HSDL2: variants seen among roughly 807,000 people sequenced by gnomAD.
HSDL2 encodes hydroxysteroid dehydrogenase like 2.
Under a neutral mutation model 46.3 loss-of-function variants are expected in HSDL2, and 27 were observed. The ratio of observed to expected loss-of-function variants is 0.58; its 90% confidence interval spans 0.43 to 0.80. The LOEUF is 0.80. HSDL2 is among the 30% of genes least tolerant of loss of function. HSDL2 has a pLI of 0.00. For missense variants in HSDL2, 451 were observed against 502.7 expected, an observed-to-expected ratio of 0.90 and a Z score of 0.98; for synonymous variants, 153 against 163.6, an observed-to-expected ratio of 0.94 and a Z score of 0.50.
intron 10 of HSDL2, among the ~76,000 whole-genome samples, chr9:112,467,644 C>G (rs1441743450): frequency 6.6e-6 from 1 of 152,156 alleles, no homozygotes; most frequent in African/African-American, 2.4e-5. Context: ...CTGAGACCAT[C>G]ACACTGAGGG....
At position 112,422,708 on chromosome 9, in the gene HSDL2, A is replaced by G. The variant is rs538010406; in HGVS notation, c.598+3750A>G. Among the ~76,000 whole-genome samples the G allele has an allele frequency of 2.6e-5, 4 of 152,268 alleles. No homozygotes were observed. In the South Asian group the frequency reaches 8.3e-4, roughly 32 times the overall value. On this transcript the variant is annotated intron_variant, in intron 6 of 10. Coordinates refer to ENST00000398805, the MANE Select transcript of HSDL2 (RefSeq NM_032303.5). ...ACAATAATTGAATGAATAATAGGAA[A>G]CAGTTCCCTTGAGCTGAAGAAAGAC...
At chr9:112,414,245 A>G (rs1276286806) in intron 4 of HSDL2, among the ~76,000 whole-genome samples, 1 of 152,216 alleles carries the variant, frequency 6.6e-6, no homozygotes, top group African/African-American at 2.4e-5. Flanking sequence ...GTTACTATTT[A>G]TTCCTAATTA....
intron 4 of HSDL2, among the ~76,000 whole-genome samples, chr9:112,413,433 C>T (rs1423495942): frequency 1.3e-5 from 2 of 151,712 alleles, no homozygotes; most frequent in African/African-American, 2.4e-5. Flanking sequence ...ACCAAGATCA[C>T]GCCATTGCAC....
chr9:112,385,818 G>A (rs545559617), intron 1 of HSDL2, among the ~76,000 whole-genome samples: 10 of 151,756 alleles, frequency 6.6e-5, no homozygotes, highest in African/African-American at 2.4e-4. Flanking sequence ...TAGTAGAGAC[G>A]GGGTTTCACC....
chr9:112,386,562 G>A (rs1831221069), intron 1 of HSDL2, among the ~76,000 whole-genome samples: 1 of 151,430 alleles, frequency 6.6e-6, no homozygotes, highest in Non-Finnish European at 1.5e-5. Flanking sequence ...TGGGAGAATC[G>A]CTTGAGCCCA....
intron 10 of HSDL2, 63 bp from the exon 11 acceptor site, chr9:112,470,369 T>C (rs1341231633): frequency 1.0e-6 from 1 of 963,670 alleles, no homozygotes. Context: ...TGCGTGTTCT[T>C]AAAGCAATAT....
intron 9 of HSDL2, among the ~76,000 whole-genome samples, chr9:112,457,217 T>C (rs1833059276): frequency 6.6e-6 from 1 of 152,118 alleles, no homozygotes. Context: ...GTGGATGCCG[T>C]ATCTGTCAAG....
chr9:112,453,887 G>T, intron 8 of HSDL2, 126 bp from the exon 9 acceptor site: 1 of 733,892 alleles, frequency 1.4e-6, no homozygotes, highest in South Asian at 2.0e-5. Context: ...GCCACTTAAT[G>T]CATTTAAAGT....
At chr9:112,422,233 TATA>T (rs1397783305) in intron 6 of HSDL2, among the ~76,000 whole-genome samples, 2 of 152,064 alleles carry the variant, frequency 1.3e-5, no homozygotes, top group Non-Finnish European at 2.9e-5. Context: ...AAACGAACTA[TATA>T]AGGGTGAACA....
At chr9:112,382,214 C>A (rs904271716) in intron 1 of HSDL2, among the ~76,000 whole-genome samples, 17 of 152,230 alleles carry the variant, frequency 1.1e-4, no homozygotes, top group African/African-American at 4.1e-4. Flanking sequence ...GAGCCGAGAT[C>A]ATGCCACTGC....
intron 6 of HSDL2, among the ~76,000 whole-genome samples, chr9:112,422,006 G>A (rs908301079): frequency 1.3e-5 from 2 of 152,288 alleles, no homozygotes; most frequent in African/African-American, 4.8e-5. Context: ...CTTTGACCAC[G>A]GAGATCTGAG....
At chr9:112,441,826 C>A in intron 8 of HSDL2, 56 bp downstream of exon 8, 2 of 1,146,622 alleles carry the variant, frequency 1.7e-6, no homozygotes, top group South Asian at 1.3e-5. Flanking sequence ...TTATGTATTT[C>A]TTCCAAAATA....
At chr9:112,457,556 GACA>G (rs1833067859) in intron 9 of HSDL2, among the ~76,000 whole-genome samples, 1 of 152,086 alleles carries the variant, frequency 6.6e-6, no homozygotes, top group Admixed American at 6.6e-5. Flanking sequence ...GAGATGGGAA[GACA>G]GCTTAAGCCC....
Position 112,438,611 on chromosome 9 carries a change from A to G in HSDL2, c.779A>G (p.Tyr260Cys). The G allele has an allele frequency of 6.3e-7, 1 of 1,579,996 alleles. No homozygotes were observed. Among genetic ancestry groups the G allele is most frequent in the Non-Finnish European group, 8.6e-7 (1 of 1,156,108 alleles). Residue 260 changes from tyrosine to cysteine, a missense_variant, in exon 7 of 11, where the codon TAT (tyrosine) becomes TGT (cysteine). Coordinates refer to ENST00000398805, the MANE Select transcript of HSDL2 (RefSeq NM_032303.5). ...KEEGIENFDVYAIKPGHPLQP... is the reference protein window; with the variant it reads ...KEEGIENFDVCAIKPGHPLQP... Reference sequence around the variant, plus strand: ...GAAGGAATAGAAAATTTTGACGTTTATGCAATTAAACCAGGTAATGCTTTT... The same window carrying G: ...GAAGGAATAGAAAATTTTGACGTTTGTGCAATTAAACCAGGTAATGCTTTT...
intron 10 of HSDL2, among the ~76,000 whole-genome samples, chr9:112,468,177 CT>C (rs1428126828): frequency 3.9e-5 from 6 of 152,030 alleles, no homozygotes; most frequent in Non-Finnish European, 8.8e-5. Context: ...CTATCTACCC[CT>C]GTCCTTTCTG....
chr9:112,390,101 G>A (rs117514530), intron 1 of HSDL2, among the ~76,000 whole-genome samples: 4,046 of 84,868 alleles, frequency 0.048, 147 homozygotes, highest in East Asian at 0.15. Context: ...AATAAATAAA[G>A]TAAAAAATAA....
intron 1 of HSDL2, among the ~76,000 whole-genome samples, chr9:112,403,152 A>G (rs1270736660): frequency 6.6e-6 from 1 of 152,210 alleles, no homozygotes; most frequent in Non-Finnish European, 1.5e-5. Context: ...TTGGCTTTTA[A>G]TATATTCACA....
intron 8 of HSDL2, among the ~76,000 whole-genome samples, chr9:112,451,316 A>C (rs1832880985): frequency 6.6e-6 from 1 of 152,348 alleles, no homozygotes; most frequent in East Asian, 1.9e-4. Context: ...TTGGAAAATA[A>C]CTGGGAAGTG....
chr9:112,423,682 G>A (rs985754591), intron 6 of HSDL2, among the ~76,000 whole-genome samples: 4 of 151,622 alleles, frequency 2.6e-5, no homozygotes, highest in Non-Finnish European at 2.9e-5. Flanking sequence ...TAACCGTCTC[G>A]TTTTGAGGCA....
Sources: allele counts gnomAD v4.1 joint callset (sites outside exome capture counted in the v4.1 genomes callset), GRCh38; gene constraint gnomAD v4.1.1; transcripts MANE v1.5; gene names NCBI Gene and HGNC (gene_info 2026-07-23, HGNC 2026-07-21).